DGKB: variants seen among roughly 807,000 people sequenced by gnomAD.
DGKB encodes the protein diacylglycerol kinase beta.
In DGKB, 67 loss-of-function variants were observed where a neutral mutation model predicts 114.3. The ratio of observed to expected loss-of-function variants is 0.59; its 90% confidence interval spans 0.48 to 0.72. The LOEUF is 0.72. Among genes scored for constraint, DGKB ranks in the 30% least tolerant of loss-of-function variants. DGKB has a pLI of 0.00. For synonymous variants in DGKB, 398 were observed against 323.1 expected (o/e 1.23, Z -2.49); for missense variants, 907 against 975.2 (o/e 0.93, Z 0.93).
At chr7:14,509,805 G>T (rs1787706185) in intron 20 of DGKB, among the ~76,000 whole-genome samples, 1 of 152,182 alleles carries the variant, frequency 6.6e-6, no homozygotes, top group Admixed American at 6.5e-5. Flanking sequence ...CTGCTGGGTG[G>T]TGTGGGGCTG....
At chr7:14,473,032 A>T (rs959650680) in intron 21 of DGKB, among the ~76,000 whole-genome samples, 38 of 152,278 alleles carry the variant, frequency 2.5e-4, no homozygotes, top group Admixed American at 2.2e-3. Flanking sequence ...CTGAGGAGAA[A>T]TTCAAGCAGG....
At chr7:14,422,173 G>A (rs1348379442) in intron 21 of DGKB, among the ~76,000 whole-genome samples, 1 of 151,892 alleles carries the variant, frequency 6.6e-6, no homozygotes, top group East Asian at 1.9e-4. Context: ...ATTAAATTTA[G>A]TCTCCTTTCA....
chr7:14,684,361 T>C (rs1270003971), intron 10 of DGKB, among the ~76,000 whole-genome samples: 1 of 152,140 alleles, frequency 6.6e-6, no homozygotes, highest in African/African-American at 2.4e-5. Context: ...AACAATGGAA[T>C]GTATCTAATG....
At chr7:14,728,040 G>A (rs1322230426) in intron 5 of DGKB, among the ~76,000 whole-genome samples, 1 of 152,058 alleles carries the variant, frequency 6.6e-6, no homozygotes, top group Non-Finnish European at 1.5e-5. Flanking sequence ...ATAAGTACTT[G>A]GGGCGTGACT....
At chr7:14,362,135 T>C (rs542505114) in intron 21 of DGKB, among the ~76,000 whole-genome samples, 1 of 152,124 alleles carries the variant, frequency 6.6e-6, no homozygotes, top group South Asian at 2.1e-4. Flanking sequence ...TTTGTACCAA[T>C]CAATAAGAAA....
chr7:14,176,520 A>G, intron 25 of DGKB: 1 of 1,032,870 alleles, frequency 9.7e-7, no homozygotes, highest in Non-Finnish European at 1.2e-6. Context: ...ATAAACAAAA[A>G]AGTTTCAGAT....
intron 23 of DGKB, among the ~76,000 whole-genome samples, chr7:14,331,580 G>C (rs1185129274): frequency 1.3e-5 from 2 of 151,820 alleles, no homozygotes; most frequent in Non-Finnish European, 2.9e-5. Flanking sequence ...ACTTTTACAA[G>C]GTATACAAAG....
chr7:14,206,154 A>G (rs565458341), intron 23 of DGKB, among the ~76,000 whole-genome samples: 2 of 152,176 alleles, frequency 1.3e-5, no homozygotes, highest in East Asian at 3.9e-4. Context: ...AGTCTATACT[A>G]AGAAAGACTG....
At chr7:14,706,016 C>T (rs1826159755) in intron 6 of DGKB, among the ~76,000 whole-genome samples, 1 of 151,436 alleles carries the variant, frequency 6.6e-6, no homozygotes, top group Non-Finnish European at 1.5e-5. Context: ...AAGACACAGA[C>T]TGGCAAATTG....
intron 21 of DGKB, among the ~76,000 whole-genome samples, chr7:14,409,288 C>T (rs193039833): frequency 1.3e-5 from 2 of 152,056 alleles, no homozygotes; most frequent in African/African-American, 4.8e-5. Flanking sequence ...ATTCTCAGTC[C>T]TTGTGTACTT....
chr7:14,310,019 T>A (rs1282299599), intron 23 of DGKB, among the ~76,000 whole-genome samples: 3 of 152,194 alleles, frequency 2.0e-5, no homozygotes, highest in African/African-American at 7.2e-5. Context: ...GCTAGGATGG[T>A]ACCTGGAAAA....
chr7:14,862,422 C>G (rs1057328939), intron 1 of DGKB, among the ~76,000 whole-genome samples: 1 of 151,984 alleles, frequency 6.6e-6, no homozygotes, highest in African/African-American at 2.4e-5. Flanking sequence ...TAAGTGTTCT[C>G]TATAACCTAA....
chr7:14,596,216 T>C (rs1380432551), intron 17 of DGKB, among the ~76,000 whole-genome samples: 3 of 152,136 alleles, frequency 2.0e-5, no homozygotes, highest in South Asian at 2.1e-4. Context: ...CTTTCATCAA[T>C]AATAAAAATT....
At chr7:14,712,160 T>C (rs890627253) in intron 6 of DGKB, among the ~76,000 whole-genome samples, 2 of 151,956 alleles carry the variant, frequency 1.3e-5, no homozygotes, top group African/African-American at 2.4e-5. Context: ...AAAAATCTCA[T>C]CACCAGGTAT....
At chr7:14,852,351 C>T (rs1334730369) in intron 1 of DGKB, among the ~76,000 whole-genome samples, 7 of 150,814 alleles carry the variant, frequency 4.6e-5, no homozygotes, top group African/African-American at 1.7e-4. Context: ...TAGCCAGGTG[C>T]ATATTGTTTA....
intron 23 of DGKB, among the ~76,000 whole-genome samples, chr7:14,233,042 T>G (rs1384430282): frequency 6.6e-6 from 1 of 152,094 alleles, no homozygotes; most frequent in Non-Finnish European, 1.5e-5. Context: ...AAGCTTATTA[T>G]TCATGCTTGT....
chr7:14,965,384 G>A (rs6948155), intron 1 of DGKB, among the ~76,000 whole-genome samples: 1 of 151,864 alleles, frequency 6.6e-6, no homozygotes, highest in Admixed American at 6.6e-5. Flanking sequence ...AATACCCCAA[G>A]TAGAACTCAG....
chr7:14,561,050 T>TG (rs1324017220), intron 20 of DGKB, among the ~76,000 whole-genome samples: 1 of 152,210 alleles, frequency 6.6e-6, no homozygotes, highest in Non-Finnish European at 1.5e-5. Context: ...TGATACGGTA[T>TG]GGCTGTGTCC....
chr7:14,588,998 A>T (rs1801235529), intron 17 of DGKB, among the ~76,000 whole-genome samples: 1 of 152,062 alleles, frequency 6.6e-6, no homozygotes, highest in Admixed American at 6.6e-5. Flanking sequence ...CACACGTATA[A>T]TATGAATTAA....
Sources: allele counts gnomAD v4.1 joint callset (sites outside exome capture counted in the v4.1 genomes callset), GRCh38; gene constraint gnomAD v4.1.1; transcripts MANE v1.5; gene names NCBI Gene and HGNC (gene_info 2026-07-23, HGNC 2026-07-21).